The following ZBTB7C variants were observed in gnomAD, a reference collection of about 807,000 sequenced individuals.
ZBTB7C encodes the protein zinc finger and BTB domain containing 7C.
Under a neutral mutation model 25.7 loss-of-function variants are expected in ZBTB7C, and 8 were observed. The observed-to-expected ratio is 0.31, with a 90% CI of 0.18 to 0.56. The LOEUF is 0.56. ZBTB7C is among the 20% of genes least tolerant of loss of function. The pLI, the probability that ZBTB7C is intolerant of heterozygous loss-of-function variation, is 0.91. For synonymous variants in ZBTB7C, 394 were observed against 369.0 expected, an observed-to-expected ratio of 1.07 and a Z score of -0.78; for missense variants, 824 against 855.2, an observed-to-expected ratio of 0.96 and a Z score of 0.46.
intron 3 of ZBTB7C, among the ~76,000 whole-genome samples, chr18:48,131,259 C>G: frequency 6.6e-6 from 1 of 152,226 alleles, no homozygotes; most frequent in East Asian, 1.9e-4. Flanking sequence ...GGTTTAGGAA[C>G]TGCTGGACTA....
chr18:48,119,012 A>G (rs2039538022), intron 3 of ZBTB7C, among the ~76,000 whole-genome samples: 1 of 152,124 alleles, frequency 6.6e-6, no homozygotes, highest in Admixed American at 6.5e-5. Flanking sequence ...TAACTAAAAA[A>G]AATTTATCAA....
In ZBTB7C at chr18:48,141,188, C is replaced by T. The variant is rs116095302; in HGVS notation, c.-17+44746G>A. 9.8e-3 allele frequency among the ~76,000 whole-genome samples: 1,277 copies of T among 130,830 alleles called. 22 individuals are homozygous for T. Among genetic ancestry groups the T allele is most frequent in the African/African-American group, 0.034 (1,202 of 35,144 alleles). 85.8% of individuals were successfully genotyped at this position (130,830 alleles called of 152,430 possible). ...TTCTCCTTCCTGCTGTGGGACTTGGCTTATGCAAATTTCCCAGCCTGAAAT... is the reference window on the plus strand; with the variant it reads ...TTCTCCTTCCTGCTGTGGGACTTGGTTTATGCAAATTTCCCAGCCTGAAAT... On this transcript the variant is annotated intron_variant, in intron 3 of 4. Coordinates refer to ENST00000590800, the MANE Select transcript of ZBTB7C (RefSeq NM_001318841.2).
rs773603014 is a variant in ZBTB7C at position 48,328,415 on chromosome 18, T to C, written c.-79+9759A>G. Among the ~76,000 whole-genome samples the C allele has an allele frequency of 3.9e-5, 6 of 152,182 alleles. 1 individual carries two copies. The highest frequency in any genetic ancestry group is 7.3e-5 in the Non-Finnish European group (5 of 68,042). On this transcript the variant is annotated intron_variant, in intron 2 of 4. Coordinates refer to ENST00000590800, the MANE Select transcript of ZBTB7C (RefSeq NM_001318841.2). The stretch of plus-strand genomic sequence containing the variant: ...TATCACAAGTTCCTTCACTCTCTCA[T>C]AGAAGTTAAATACTTCTATGTTGTT...
chr18:48,237,438 G>C (rs2043409799), intron 2 of ZBTB7C, among the ~76,000 whole-genome samples: 1 of 152,116 alleles, frequency 6.6e-6, no homozygotes, highest in Non-Finnish European at 1.5e-5. Flanking sequence ...AGGAACAGTT[G>C]GGAGGGTACA....
chr18:48,290,715 C>T (rs1258413114), intron 2 of ZBTB7C, among the ~76,000 whole-genome samples: 6 of 152,172 alleles, frequency 3.9e-5, no homozygotes, highest in African/African-American at 7.2e-5. Flanking sequence ...GGCAAGGCCT[C>T]GCCATCTCAC....
intron 3 of ZBTB7C, among the ~76,000 whole-genome samples, chr18:48,147,243 A>G (rs945268005): frequency 1.3e-5 from 2 of 152,034 alleles, no homozygotes; most frequent in African/African-American, 4.8e-5. Context: ...ATGTCTGGCT[A>G]ATTTTTGTGT....
rs552557281 is a variant in ZBTB7C, at chr18:48,053,776, G to T, written c.-16-12653C>A. 3.2e-4 allele frequency among the ~76,000 whole-genome samples: 49 copies of T among 152,290 alleles called. 1 individual carries two copies. The highest frequency in any genetic ancestry group is 3.2e-3 in the Admixed American group (49 of 15,296). On this transcript the variant is annotated intron_variant, in intron 3 of 4. Coordinates refer to ENST00000590800, the MANE Select transcript of ZBTB7C (RefSeq NM_001318841.2). Reference sequence around the variant, plus strand: ...GTCTTAAGAAGCCACAGAAGAGTGGGAGAGACAGTAAAGACAAGACCTAAA... The same window carrying T: ...GTCTTAAGAAGCCACAGAAGAGTGGTAGAGACAGTAAAGACAAGACCTAAA...
intron 3 of ZBTB7C, among the ~76,000 whole-genome samples, chr18:48,155,154 C>T (rs1160711905): frequency 1.3e-5 from 2 of 152,068 alleles, no homozygotes; most frequent in Middle Eastern, 3.2e-3. Context: ...GACATGGGCC[C>T]CAAGGAAGTG....
intron 1 of ZBTB7C, among the ~76,000 whole-genome samples, chr18:48,342,769 A>G (rs1267533970): frequency 1.3e-5 from 2 of 151,966 alleles, no homozygotes; most frequent in Non-Finnish European, 2.9e-5. Flanking sequence ...CACTGGAGAC[A>G]GCGCTGTTAA....
intron 3 of ZBTB7C, among the ~76,000 whole-genome samples, chr18:48,081,352 A>G (rs1047598100): frequency 6.6e-6 from 1 of 152,192 alleles, no homozygotes; most frequent in African/African-American, 2.4e-5. Flanking sequence ...GTCAGGACCA[A>G]CAGACAAGTC....
chr18:48,270,840 T>C (rs1296715467), intron 2 of ZBTB7C, among the ~76,000 whole-genome samples: 1 of 151,926 alleles, frequency 6.6e-6, no homozygotes, highest in Non-Finnish European at 1.5e-5. Flanking sequence ...CTAAACCTAG[T>C]TCTATAGAAC....
intron 2 of ZBTB7C, among the ~76,000 whole-genome samples, chr18:48,291,962 C>G (rs1598797566): frequency 6.6e-6 from 1 of 152,272 alleles, no homozygotes; most frequent in East Asian, 1.9e-4. Flanking sequence ...CTTTGGGAGG[C>G]TGAGGCAGGC....
At chr18:48,406,656 A>G (rs562080130) in intron 1 of ZBTB7C, among the ~76,000 whole-genome samples, 1 of 152,346 alleles carries the variant, frequency 6.6e-6, no homozygotes, top group South Asian at 2.1e-4. Context: ...CTATCTGTTC[A>G]TGAAAGCAGA....
intron 1 of ZBTB7C, among the ~76,000 whole-genome samples, chr18:48,405,455 G>A (rs1329215300): frequency 6.6e-6 from 1 of 152,206 alleles, no homozygotes; most frequent in Non-Finnish European, 1.5e-5. Flanking sequence ...CTACCCTCAC[G>A]TTAATGAGTT....
At chr18:48,271,473 A>G (rs1006663026) in intron 2 of ZBTB7C, among the ~76,000 whole-genome samples, 1 of 148,930 alleles carries the variant, frequency 6.7e-6, no homozygotes, top group African/African-American at 2.4e-5. Context: ...TATGTATATG[A>G]TACATAAATC....
At chr18:48,331,037 C>T (rs1196986783) in intron 2 of ZBTB7C, among the ~76,000 whole-genome samples, 2 of 152,152 alleles carry the variant, frequency 1.3e-5, no homozygotes, top group African/African-American at 4.8e-5. Context: ...CCACCCCAGC[C>T]AAGAGTGATC....
intron 1 of ZBTB7C, among the ~76,000 whole-genome samples, chr18:48,368,264 TATAAAGAAC>T (rs2047299137): frequency 7.7e-6 from 1 of 129,602 alleles, no homozygotes; most frequent in Non-Finnish European, 1.7e-5. Flanking sequence ...AAAAATCAAA[TATAAAGAAC>T]CAAATGGAAA....
At chr18:48,150,160 T>C (rs2040630435) in intron 3 of ZBTB7C, 1 of 152,212 alleles carries the variant, frequency 6.6e-6, no homozygotes, top group Non-Finnish European at 1.5e-5. Context: ...AGTATATTAT[T>C]ATTCTCTTTT....
rs146657493 is a variant in ZBTB7C at position 48,341,979 on chromosome 18, C to G, written c.-303-3581G>C. Among the ~76,000 whole-genome samples the G allele has an allele frequency of 4.3e-3, 653 of 152,282 alleles. 3 individuals are homozygous for G. The highest frequency in any genetic ancestry group is 7.7e-3 in the Non-Finnish European group (525 of 68,014). The stretch of plus-strand genomic sequence containing the variant: ...AAAGGAAAAGAAAGGTCCATCAGGG[C>G]CATTGTGGGGCTCAGGCAGGGACAG... On this transcript the variant is annotated intron_variant, in intron 1 of 4. Coordinates refer to ENST00000590800, the MANE Select transcript of ZBTB7C (RefSeq NM_001318841.2).
Sources: allele counts gnomAD v4.1 joint callset (sites outside exome capture counted in the v4.1 genomes callset), GRCh38; gene constraint gnomAD v4.1.1; transcripts MANE v1.5; gene names NCBI Gene and HGNC (gene_info 2026-07-23, HGNC 2026-07-21).